The following MACROD2 variants were observed in gnomAD, a reference collection of about 807,000 sequenced individuals.
The protein encoded by MACROD2 is ADP-ribose glycohydrolase MACROD2.
MACROD2 carries 36 observed loss-of-function variants against 70.4 expected under a neutral mutation model. The ratio of observed to expected loss-of-function variants is 0.51; its 90% CI spans 0.39 to 0.68. The LOEUF is 0.68. Ranked by LOEUF, MACROD2 falls within the 30% of genes least tolerant of loss-of-function variation. MACROD2 has a pLI of 0.00. For missense variants in MACROD2, 496 were observed against 538.4 expected (o/e 0.92, Z 0.78); for synonymous variants, 172 against 178.8 (o/e 0.96, Z 0.30).
At chr20:15,053,132 C>A (rs560469668) in intron 5 of MACROD2, among the ~76,000 whole-genome samples, 4 of 152,176 alleles carry the variant, frequency 2.6e-5, no homozygotes, top group Non-Finnish European at 5.9e-5. Flanking sequence ...AAGAAGCCAT[C>A]TCTGTAACAT....
At chr20:15,919,181 T>G (rs2065364365) in intron 10 of MACROD2, among the ~76,000 whole-genome samples, 1 of 152,216 alleles carries the variant, frequency 6.6e-6, no homozygotes, top group African/African-American at 2.4e-5. Flanking sequence ...ATTGACCGAT[T>G]TGGCAGAAAG....
At chr20:15,044,927 G>A (rs1866056263) in intron 5 of MACROD2, among the ~76,000 whole-genome samples, 1 of 151,992 alleles carries the variant, frequency 6.6e-6, no homozygotes, top group Non-Finnish European at 1.5e-5. Context: ...TTTAAGTTTT[G>A]TCTAAAAATA....
chr20:14,310,449 C>T (rs2082556723), intron 3 of MACROD2, among the ~76,000 whole-genome samples: 1 of 152,062 alleles, frequency 6.6e-6, no homozygotes, highest in Admixed American at 6.5e-5. Flanking sequence ...CTATGGCCGT[C>T]ATAAGGTCAT....
intron 5 of MACROD2, among the ~76,000 whole-genome samples, chr20:14,755,710 A>T (rs527326212): frequency 6.6e-6 from 1 of 151,994 alleles, no homozygotes; most frequent in Non-Finnish European, 1.5e-5. Flanking sequence ...TGTTTATTAT[A>T]TTACCCTGGG....
intron 8 of MACROD2, among the ~76,000 whole-genome samples, chr20:15,533,906 G>A (rs1720077122): frequency 6.6e-6 from 1 of 152,152 alleles, no homozygotes; most frequent in Non-Finnish European, 1.5e-5. Context: ...CTTGATGGGA[G>A]AGCCAGGGAA....
intron 5 of MACROD2, among the ~76,000 whole-genome samples, chr20:15,103,173 TCA>T: frequency 6.6e-6 from 1 of 152,274 alleles, no homozygotes; most frequent in East Asian, 1.9e-4. Context: ...AATTATTTTC[TCA>T]CATAGCAAGA....
chr20:15,957,653 C>T (rs1468028572), intron 12 of MACROD2, among the ~76,000 whole-genome samples: 2 of 152,158 alleles, frequency 1.3e-5, no homozygotes, highest in Non-Finnish European at 2.9e-5. Flanking sequence ...AGGAGCTCTG[C>T]ATTTTAAAAA....
intron 8 of MACROD2, among the ~76,000 whole-genome samples, chr20:15,575,966 AAAT>A (rs2048441962): frequency 1.3e-5 from 2 of 152,192 alleles, no homozygotes; most frequent in Non-Finnish European, 1.5e-5. Flanking sequence ...TTTACTTTTA[AAAT>A]AATAATTTTG....
intron 5 of MACROD2, among the ~76,000 whole-genome samples, chr20:14,931,000 A>G (rs773639365): frequency 6.6e-6 from 1 of 151,974 alleles, no homozygotes; most frequent in Non-Finnish European, 1.5e-5. Context: ...CCCCATCCTT[A>G]AAAATATATT....
intron 5 of MACROD2, among the ~76,000 whole-genome samples, chr20:15,088,524 T>C (rs2123157487): frequency 6.7e-6 from 1 of 148,384 alleles, no homozygotes; most frequent in East Asian, 2.0e-4. Context: ...TATTTCATAA[T>C]TGTGAAAAAA....
chr20:15,504,996 C>G (rs1321369500), intron 8 of MACROD2, among the ~76,000 whole-genome samples: 1 of 152,186 alleles, frequency 6.6e-6, no homozygotes, highest in Non-Finnish European at 1.5e-5. Context: ...ACCCCCTGCT[C>G]ATATCTGAAA....
At chr20:14,578,785 A>C (rs1247229075) in intron 4 of MACROD2, among the ~76,000 whole-genome samples, 1 of 152,188 alleles carries the variant, frequency 6.6e-6, no homozygotes, top group Non-Finnish European at 1.5e-5. Flanking sequence ...AATTCACCGA[A>C]ACCTAAGGCA....
intron 5 of MACROD2, among the ~76,000 whole-genome samples, chr20:14,731,002 CACACACAT>C (rs1228443525): frequency 1.8e-5 from 2 of 112,366 alleles, no homozygotes; most frequent in Admixed American, 1.1e-4. Context: ...CACACACACA[CACACACAT>C]GCACACACAC....
chr20:15,486,905 T>G (rs1046918355), intron 7 of MACROD2, among the ~76,000 whole-genome samples: 6 of 152,204 alleles, frequency 3.9e-5, no homozygotes, highest in African/African-American at 1.4e-4. Context: ...AAATAGCATG[T>G]ATTGTCTTAT....
At chr20:14,376,115 T>C (rs2083368044) in intron 3 of MACROD2, among the ~76,000 whole-genome samples, 1 of 152,220 alleles carries the variant, frequency 6.6e-6, no homozygotes, top group Non-Finnish European at 1.5e-5. Context: ...TTGCTCCTGA[T>C]GCATTGTTAA....
chr20:14,977,824 G>A (rs2074755713), intron 5 of MACROD2, among the ~76,000 whole-genome samples: 4 of 152,014 alleles, frequency 2.6e-5, no homozygotes. Flanking sequence ...CAAAACATGA[G>A]GAAATTATTC....
chr20:15,151,801 A>G (rs934663124), intron 5 of MACROD2, among the ~76,000 whole-genome samples: 1 of 152,018 alleles, frequency 6.6e-6, no homozygotes, highest in Admixed American at 6.5e-5. Context: ...TAGTCATGGA[A>G]CGAAACTGTA....
chr20:14,085,831 C>A, intron 3 of MACROD2, 103 bp downstream of exon 3: 1 of 589,064 alleles, frequency 1.7e-6, no homozygotes. Flanking sequence ...TGCTTTTTGA[C>A]GTAGAAATGT....
At chr20:14,991,158 C>G (rs1206015594) in intron 5 of MACROD2, among the ~76,000 whole-genome samples, 1 of 152,152 alleles carries the variant, frequency 6.6e-6, no homozygotes, top group Non-Finnish European at 1.5e-5. Flanking sequence ...TTCCACCTTT[C>G]CTAATCCTTC....
Sources: gnomAD v4.1 joint callset for allele counts (sites outside exome capture counted in the v4.1 genomes callset) on GRCh38, gnomAD v4.1.1 for gene constraint, MANE v1.5 for transcripts, NCBI Gene and HGNC (gene_info 2026-07-23, HGNC 2026-07-21) for gene names.